GNAS-AS1: variants seen among roughly 807,000 people sequenced by gnomAD.
GNAS-AS1 encodes the protein GNAS antisense RNA 1 (non-protein coding).
chr20:58,848,124 A>G (rs2086005729), intron 2 of GNAS-AS1, among the ~76,000 whole-genome samples: 1 of 152,232 alleles, frequency 6.6e-6, no homozygotes, highest in African/African-American at 2.4e-5. Flanking sequence ...TCAGACATGC[A>G]GAGTTTAATG....
At chr20:58,827,588 G>A (rs925413123) in intron 4 of GNAS-AS1, among the ~76,000 whole-genome samples, 4 of 152,260 alleles carry the variant, frequency 2.6e-5, no homozygotes, top group Non-Finnish European at 5.9e-5. Flanking sequence ...CACGTCGACA[G>A]GGATGTGACT....
intron 4 of GNAS-AS1, among the ~76,000 whole-genome samples, chr20:58,827,873 GC>G (rs1333871875): frequency 6.6e-6 from 1 of 152,212 alleles, no homozygotes; most frequent in Non-Finnish European, 1.5e-5. Context: ...GCAGACATTA[GC>G]CTTAGCTTTA....
chr20:58,838,042 C>G (rs2085619432), intron 4 of GNAS-AS1, among the ~76,000 whole-genome samples: 1 of 152,184 alleles, frequency 6.6e-6, no homozygotes, highest in African/African-American at 2.4e-5. Context: ...TAAGATTCCC[C>G]ATACTGACTC....
intron 4 of GNAS-AS1, chr20:58,824,115 G>A: frequency 2.5e-6 from 1 of 398,656 alleles, no homozygotes; most frequent in Non-Finnish European, 4.4e-6. Flanking sequence ...GTGGATCAGA[G>A]CCACAAATCC....
At chr20:58,842,582 G>T in intron 2 of GNAS-AS1, 1 of 398,568 alleles carries the variant, frequency 2.5e-6, no homozygotes, top group Non-Finnish European at 4.4e-6. Flanking sequence ...TTTGCAAGTG[G>T]TTTTCTGCGA....
At chr20:58,819,394 C>G in intron 4 of GNAS-AS1, 1 of 397,550 alleles carries the variant, frequency 2.5e-6, no homozygotes. Context: ...TATCTTGCTT[C>G]CAACGGCCAG....
intron 4 of GNAS-AS1, among the ~76,000 whole-genome samples, chr20:58,829,270 T>C (rs1600645323): frequency 6.6e-6 from 1 of 152,228 alleles, no homozygotes; most frequent in Admixed American, 6.5e-5. Flanking sequence ...CCACTCTCAC[T>C]ATCCTCAGCT....
intron 4 of GNAS-AS1, among the ~76,000 whole-genome samples, chr20:58,824,861 C>A (rs1318232070): frequency 1.3e-5 from 2 of 152,196 alleles, no homozygotes; most frequent in African/African-American, 4.8e-5. Flanking sequence ...TATGGGAGAA[C>A]AGACCCAGCT....
At chr20:58,839,930 T>C (rs1232880144) in intron 4 of GNAS-AS1, 1 of 638,852 alleles carries the variant, frequency 1.6e-6, no homozygotes, top group Non-Finnish European at 2.7e-6. Context: ...AGTTCTTAAG[T>C]GGTCAGGAAG....
In GNAS-AS1 at chr20:58,840,761, T is replaced by C. The variant is rs868703522; in HGVS notation, n.819+1176A>G. On this transcript the variant is annotated intron_variant and non_coding_transcript_variant, in intron 4 of 4. Transcript: ENST00000424094. This position sits in a 1 kb window ranked among gnomAD's most constrained non-coding sequence, Gnocchi z 6.0. ...CAAGGAGGAGAAGCAGCGGCGTCGCTGCAAGCCAAAGAAGCCCACCCGCCG... is the reference window on the plus strand; with the variant it reads ...CAAGGAGGAGAAGCAGCGGCGTCGCCGCAAGCCAAAGAAGCCCACCCGCCG... The C allele has an allele frequency of 6.2e-7, 1 of 1,607,748 alleles. No homozygotes were observed. The highest frequency in any genetic ancestry group is 8.5e-7 in the Non-Finnish European group (1 of 1,179,618).
At chr20:58,822,389 G>A (rs76446161) in intron 4 of GNAS-AS1, among the ~76,000 whole-genome samples, 2,649 of 152,322 alleles carry the variant, frequency 0.017, 82 homozygotes, top group African/African-American at 0.06. Flanking sequence ...GCTGCTGGCC[G>A]AAAGGGGGCG....
rs747725720 is a variant in GNAS-AS1, at chr20:58,840,164, C to T, written n.819+1773G>A. On this transcript the variant is annotated intron_variant and non_coding_transcript_variant, in intron 4 of 4. Coordinates refer to ENST00000424094, the Ensembl canonical transcript of GNAS-AS1. The surrounding 1 kb of genome is among the most constrained non-coding windows in gnomAD (Gnocchi z 6.0). ...CCGAGCTCGCCATAATTACAACGAC[C>T]TGTGCCCGCCCATAGGCCGCCGGGC... 8 of 1,611,794 alleles carry T rather than the reference C, an allele frequency of 5.0e-6. No individual in the cohort carries two copies. Among genetic ancestry groups the T allele is most frequent in the Non-Finnish European group, 6.8e-6 (8 of 1,179,982 alleles).
In GNAS-AS1 at chr20:58,841,738, G is replaced by A; in HGVS notation, n.819+199C>T. 8.2e-7 allele frequency: 1 copy of A among 1,226,842 alleles called. No individual in the cohort carries two copies. Among genetic ancestry groups the A allele is most frequent in the African/African-American group, 1.6e-5 (1 of 64,474 alleles). The allele number at this position is 1,226,842 out of a possible 1,614,324, so 76.0% of individuals were successfully genotyped here. On this transcript the variant is annotated intron_variant and non_coding_transcript_variant, in intron 4 of 4. Coordinates refer to ENST00000424094, the Ensembl canonical transcript of GNAS-AS1. This position sits in a 1 kb window ranked among gnomAD's most constrained non-coding sequence, Gnocchi z 5.0. The stretch of plus-strand genomic sequence containing the variant: ...ACGGGCTACCAGGGTTGAACGCACA[G>A]GCATGGTCACGTCGGGGTATTGCCA...
intron 4 of GNAS-AS1, chr20:58,819,333 G>A (rs979393292): frequency 1.0e-5 from 4 of 397,724 alleles, no homozygotes; most frequent in African/African-American, 2.1e-5. Context: ...GAAACCAGGC[G>A]CACACACACT....
At chr20:58,846,937 AC>A (rs1156679497) in intron 2 of GNAS-AS1, among the ~76,000 whole-genome samples, 33 of 151,786 alleles carry the variant, frequency 2.2e-4, no homozygotes, top group African/African-American at 7.0e-4. Flanking sequence ...TCCAACCCCC[AC>A]TTTTGCCTCT....
rs1376013343 is a variant in GNAS-AS1, at chr20:58,840,774, A to G, written n.819+1163T>C. On this transcript the variant is annotated intron_variant and non_coding_transcript_variant, in intron 4 of 4. Transcript: ENST00000424094. This position sits in a 1 kb window ranked among gnomAD's most constrained non-coding sequence, Gnocchi z 6.0. ...CAGCGGCGTCGCTGCAAGCCAAAGA[A>G]GCCCACCCGCCGTGACGCGTCCCCG... The G allele has an allele frequency of 1.2e-6, 2 of 1,609,174 alleles. No homozygotes were observed. Among genetic ancestry groups the G allele is most frequent in the Non-Finnish European group, 1.7e-6 (2 of 1,179,700 alleles).
chr20:58,837,891 G>A (rs372646592), intron 4 of GNAS-AS1, among the ~76,000 whole-genome samples: 7 of 152,204 alleles, frequency 4.6e-5, no homozygotes, highest in East Asian at 1.9e-4. Context: ...GTTTTAATAC[G>A]GGTGTGGTGT....
chr20:58,830,401 T>C (rs12625211), intron 4 of GNAS-AS1, among the ~76,000 whole-genome samples: 1,024 of 12,592 alleles, frequency 0.081, 19 homozygotes, highest in African/African-American at 0.16. Context: ...CCACCATCAC[T>C]GCCACACCAC....
intron 4 of GNAS-AS1, among the ~76,000 whole-genome samples, chr20:58,822,015 C>T (rs530406055): frequency 4.0e-4 from 61 of 152,244 alleles, no homozygotes; most frequent in African/African-American, 1.2e-3. Context: ...TGAGGGAGGC[C>T]GAGGGATGCA....
Sources: gnomAD v4.1 joint callset for allele counts (sites outside exome capture counted in the v4.1 genomes callset) on GRCh38, gnomAD v4.1.1 for gene constraint, Gnocchi (gnomAD v3.1) non-coding constraint, MANE v1.5 for transcripts, NCBI Gene and HGNC (gene_info 2026-07-23, HGNC 2026-07-21) for gene names.